Variants in CIMAP2 observed in about 807,000 individuals in gnomAD.
CIMAP2 encodes ciliary microtubule associated protein 2.
the CIMAP2 span, among the ~76,000 whole-genome samples, chr1:54,838,875 C>T: frequency 6.6e-6 from 1 of 152,102 alleles, no homozygotes; most frequent in African/African-American, 2.4e-5. Context: ...ATTATTTCTA[C>T]CACATTCTGT....
chr1:54,810,446 T>C, the CIMAP2 span, among the ~76,000 whole-genome samples: 1 of 152,180 alleles, frequency 6.6e-6, no homozygotes, highest in East Asian at 1.9e-4. Flanking sequence ...CCAGCTATCC[T>C]TGGGGGCTTT....
chr1:54,817,676 A>G, the CIMAP2 span, among the ~76,000 whole-genome samples: 1 of 152,156 alleles, frequency 6.6e-6, no homozygotes, highest in African/African-American at 2.4e-5. Context: ...TATAGTAACA[A>G]TTTCAGAAAT....
At chr1:54,813,357 A>C in the CIMAP2 span, among the ~76,000 whole-genome samples, 9 of 152,162 alleles carry the variant, frequency 5.9e-5, no homozygotes, top group African/African-American at 1.2e-4. Context: ...GGTGGTGTAC[A>C]TCCTGTGGGT....
At chr1:54,807,846 T>G in the CIMAP2 span, 2 of 1,535,036 alleles carry the variant, frequency 1.3e-6, no homozygotes, top group Non-Finnish European at 1.7e-6. Context: ...GCGTGGATTT[T>G]CCCAAGTTTA....
At chr1:54,841,763 G>T in the CIMAP2 span, 1 of 1,603,416 alleles carries the variant, frequency 6.2e-7, no homozygotes, top group Admixed American at 1.7e-5. Flanking sequence ...CCTTCCAAGG[G>T]ATCACTTCCT....
chr1:54,806,276 A>G, the CIMAP2 span: 72 of 1,431,374 alleles, frequency 5.0e-5, no homozygotes, highest in Non-Finnish European at 6.3e-5. Context: ...GCTGCTGCCC[A>G]CCCCGAAGCC....
chr1:54,822,536 A>G, the CIMAP2 span, among the ~76,000 whole-genome samples: 1 of 152,058 alleles, frequency 6.6e-6, no homozygotes, highest in Non-Finnish European at 1.5e-5. Flanking sequence ...TTTTTGATGT[A>G]GGCATTTATT....
At chr1:54,806,119 G>T in the CIMAP2 span, 1 of 1,536,874 alleles carries the variant, frequency 6.5e-7, no homozygotes, top group Non-Finnish European at 8.7e-7. Flanking sequence ...GGCCTGCCAT[G>T]AGGGAAAGCC....
At chr1:54,813,765 C>G in the CIMAP2 span, 1 of 1,538,164 alleles carries the variant, frequency 6.5e-7, no homozygotes, top group Non-Finnish European at 8.7e-7. Context: ...GAGAAAGGAG[C>G]TCTTGATTTT....
the CIMAP2 span, among the ~76,000 whole-genome samples, chr1:54,809,265 C>T: frequency 6.6e-6 from 1 of 152,164 alleles, no homozygotes; most frequent in Non-Finnish European, 1.5e-5. Flanking sequence ...GAATGTCCAA[C>T]CCCAGAGCCA....
chr1:54,839,481 G>T, the CIMAP2 span, among the ~76,000 whole-genome samples: 2 of 152,000 alleles, frequency 1.3e-5, no homozygotes, highest in Non-Finnish European at 2.9e-5. Context: ...GGGTTCAAGC[G>T]ATTCTCTTGT....
the CIMAP2 span, chr1:54,811,772 T>TACCCCCCCCC: frequency 2.2e-6 from 1 of 454,866 alleles, no homozygotes; most frequent in South Asian, 1.6e-5. Context: ...ACAGCCTCCA[T>TACCCCCCCCC]GCCCCCACCC....
At chr1:54,826,573 G>C in the CIMAP2 span, among the ~76,000 whole-genome samples, 1 of 152,190 alleles carries the variant, frequency 6.6e-6, no homozygotes, top group Non-Finnish European at 1.5e-5. Context: ...GTGGGACCCA[G>C]TGCAAACTCC....
the CIMAP2 span, chr1:54,813,828 G>A: frequency 3.7e-6 from 6 of 1,603,496 alleles, no homozygotes; most frequent in East Asian, 4.5e-5. Context: ...AAAAGCCCAG[G>A]GAACTGATGA....
At chr1:54,817,147 G>A in the CIMAP2 span, 38 of 1,613,360 alleles carry the variant, frequency 2.4e-5, no homozygotes, top group East Asian at 6.7e-5. Context: ...AGCTGCAGGC[G>A]AAGGGGCGAG....
At chr1:54,814,655 T>C in the CIMAP2 span, among the ~76,000 whole-genome samples, 2 of 152,230 alleles carry the variant, frequency 1.3e-5, no homozygotes, top group African/African-American at 4.8e-5. Flanking sequence ...TCTTCAGCTG[T>C]CTGGGCCCCA....
chr1:54,820,435 C>A, the CIMAP2 span, among the ~76,000 whole-genome samples: 1 of 152,016 alleles, frequency 6.6e-6, no homozygotes, highest in Non-Finnish European at 1.5e-5. Context: ...ACCTCGGCCT[C>A]CCAAAGTGCT....
At chr1:54,837,441 A>G in the CIMAP2 span, among the ~76,000 whole-genome samples, 3 of 152,278 alleles carry the variant, frequency 2.0e-5, no homozygotes, top group South Asian at 6.2e-4. Context: ...TCTTAGCTGT[A>G]GAATGGGCAC....
the CIMAP2 span, chr1:54,813,859 G>T: frequency 5.6e-6 from 9 of 1,613,410 alleles, no homozygotes; most frequent in East Asian, 6.7e-5. Flanking sequence ...CTTTGTAGAA[G>T]AACTTAACTC....
Sources: allele counts gnomAD v4.1 joint callset (sites outside exome capture counted in the v4.1 genomes callset), GRCh38; gene constraint gnomAD v4.1.1; transcripts MANE v1.5; gene names NCBI Gene and HGNC (gene_info 2026-07-23, HGNC 2026-07-21).